CHST8: variants seen among roughly 807,000 people sequenced by gnomAD.
CHST8 encodes GALNAC-4-ST1.
A neutral mutation model predicts 15.0 loss-of-function variants in CHST8; 10 were observed. The ratio of observed to expected loss-of-function variants is 0.67; its 90% CI spans 0.41 to 1.13. CHST8 has a LOEUF of 1.13. CHST8 is among the 50% of genes most tolerant of loss of function. CHST8 has a pLI of 0.00. For missense variants in CHST8, 634 were observed against 608.2 expected, an observed-to-expected ratio of 1.04 and a Z score of -0.45; for synonymous variants, 259 against 256.6, an observed-to-expected ratio of 1.01 and a Z score of -0.09.
chr19:33,758,912 G>T (rs996063234), intron 3 of CHST8, among the ~76,000 whole-genome samples: 1 of 150,958 alleles, frequency 6.6e-6, no homozygotes, highest in Non-Finnish European at 1.5e-5. Context: ...GCATCCACTT[G>T]GTTTCTTGGC....
intron 3 of CHST8, among the ~76,000 whole-genome samples, chr19:33,745,450 A>G (rs1192803158): frequency 2.0e-5 from 3 of 152,208 alleles, no homozygotes; most frequent in Admixed American, 1.3e-4. Context: ...CCTACCACCA[A>G]TGCTGGGGAC....
chr19:33,681,633 C>G (rs1972891277), intron 2 of CHST8, among the ~76,000 whole-genome samples: 1 of 152,192 alleles, frequency 6.6e-6, no homozygotes, highest in South Asian at 2.1e-4. Context: ...AGGTGCCTCC[C>G]TGTTTCAAGA....
At position 33,772,901 on chromosome 19, in the gene CHST8, C is replaced by G; in HGVS notation, c.1113C>G (p.Pro371=). ...LIRAPRNLTF[P]RFKDRHSQEA... ...GCGCGCCGCGGAACCTGACCTTCCCCCGGTTCAAGGACCGGCACTCGCAGG... is the reference window on the plus strand; with the variant it reads ...GCGCGCCGCGGAACCTGACCTTCCCGCGGTTCAAGGACCGGCACTCGCAGG... Residue 371 remains proline, a synonymous_variant, in exon 5 of 5, where the codon CCC becomes CCG. Transcript: ENST00000650847. 1 of 1,613,554 alleles carries G rather than the reference C, an allele frequency of 6.2e-7. No homozygotes were observed. Among genetic ancestry groups the G allele is most frequent in the Non-Finnish European group, 8.5e-7 (1 of 1,180,044 alleles).
At chr19:33,634,063 T>C (rs181038318) in intron 1 of CHST8, among the ~76,000 whole-genome samples, 1 of 152,164 alleles carries the variant, frequency 6.6e-6, no homozygotes, top group Admixed American at 6.5e-5. Context: ...TAAGCGATCC[T>C]CCCGCCTTGG....
chr19:33,686,204 G>C (rs1408329613), intron 2 of CHST8, among the ~76,000 whole-genome samples: 1 of 152,148 alleles, frequency 6.6e-6, no homozygotes, highest in African/African-American at 2.4e-5. Flanking sequence ...CTTTGAAAGG[G>C]GAAACGTGAA....
chr19:33,718,632 C>A (rs1390007680), intron 3 of CHST8, among the ~76,000 whole-genome samples: 1 of 152,220 alleles, frequency 6.6e-6, no homozygotes, highest in African/African-American at 2.4e-5. Flanking sequence ...TACCATGGGC[C>A]CCTCTGTTTC....
At chr19:33,749,269 T>C (rs1251717386) in intron 3 of CHST8, among the ~76,000 whole-genome samples, 2 of 152,150 alleles carry the variant, frequency 1.3e-5, no homozygotes, top group African/African-American at 4.8e-5. Context: ...AATCCCTGGC[T>C]CAGCCACTGG....
At chr19:33,749,070 G>A (rs1052096758) in intron 3 of CHST8, among the ~76,000 whole-genome samples, 1 of 152,210 alleles carries the variant, frequency 6.6e-6, no homozygotes, top group African/African-American at 2.4e-5. Flanking sequence ...GCCCCCAGCA[G>A]GAGAGGCCCT....
At chr19:33,630,747 G>A (rs1972112323) in intron 1 of CHST8, among the ~76,000 whole-genome samples, 1 of 152,140 alleles carries the variant, frequency 6.6e-6, no homozygotes. Flanking sequence ...CAGTGCATGG[G>A]TCAGGCAGTC....
intron 3 of CHST8, among the ~76,000 whole-genome samples, chr19:33,719,974 G>A (rs1255544649): frequency 3.3e-5 from 5 of 151,760 alleles, no homozygotes; most frequent in South Asian, 4.2e-4. Context: ...ACACAAGGCC[G>A]TGGGGCTCCA....
chr19:33,724,331 C>G (rs1453593583), intron 3 of CHST8, among the ~76,000 whole-genome samples: 6 of 152,170 alleles, frequency 3.9e-5, no homozygotes, highest in Non-Finnish European at 8.8e-5. Flanking sequence ...GGGGAAGGTG[C>G]TGGGCGAGCC....
chr19:33,672,512 T>G (rs1600251298), intron 2 of CHST8, among the ~76,000 whole-genome samples: 1 of 152,146 alleles, frequency 6.6e-6, no homozygotes, highest in East Asian at 1.9e-4. Flanking sequence ...ATCAAAAGTA[T>G]TTTTTCATCT....
chr19:33,746,432 T>C (rs1169999830), intron 3 of CHST8, among the ~76,000 whole-genome samples: 1 of 152,176 alleles, frequency 6.6e-6, no homozygotes, highest in Non-Finnish European at 1.5e-5. Flanking sequence ...TTTACATAAG[T>C]GAGATCCTAC....
At chr19:33,665,321 T>C (rs1972641456) in intron 1 of CHST8, among the ~76,000 whole-genome samples, 1 of 152,208 alleles carries the variant, frequency 6.6e-6, no homozygotes, top group South Asian at 2.1e-4. Flanking sequence ...GCAGACTTTT[T>C]CGTAAACGAC....
chr19:33,695,880 C>T (rs138773064), intron 3 of CHST8, among the ~76,000 whole-genome samples: 10 of 125,982 alleles, frequency 7.9e-5, no homozygotes, highest in Non-Finnish European at 1.1e-4. Flanking sequence ...GGCTGGAGTA[C>T]GGTGGTGTAA....
intron 1 of CHST8, among the ~76,000 whole-genome samples, chr19:33,639,653 G>A (rs1025538559): frequency 1.3e-5 from 2 of 152,032 alleles, no homozygotes; most frequent in Non-Finnish European, 2.9e-5. Flanking sequence ...GGGTGGAAGA[G>A]TGCAGGGTAA....
intron 3 of CHST8, among the ~76,000 whole-genome samples, chr19:33,736,309 C>T (rs1315735433): frequency 1.3e-5 from 2 of 152,196 alleles, no homozygotes; most frequent in African/African-American, 4.8e-5. Context: ...TGGGCTCTCC[C>T]GGATGCTGCT....
chr19:33,661,601 A>G (rs1972585628), intron 1 of CHST8, among the ~76,000 whole-genome samples: 1 of 152,166 alleles, frequency 6.6e-6, no homozygotes. Context: ...CCACTGCCTC[A>G]CCACATTCTG....
At chr19:33,654,858 G>T (rs1365090507) in intron 1 of CHST8, among the ~76,000 whole-genome samples, 1 of 152,082 alleles carries the variant, frequency 6.6e-6, no homozygotes, top group African/African-American at 2.4e-5. Context: ...GACCTGTAGG[G>T]TCTGCCATCT....
Sources: allele counts gnomAD v4.1 joint callset (sites outside exome capture counted in the v4.1 genomes callset), GRCh38; gene constraint gnomAD v4.1.1; transcripts MANE v1.5; gene names NCBI Gene and HGNC (gene_info 2026-07-23, HGNC 2026-07-21).